The following NBPF9 variants were observed in gnomAD, a reference collection of about 807,000 sequenced individuals.
NBPF9 encodes NBPF family member NBPF9.
In NBPF9, 91 loss-of-function variants were observed where a neutral mutation model predicts 97.8. That is an observed-to-expected ratio of 0.93 (90% confidence interval 0.79 to 1.11). The LOEUF (loss-of-function observed/expected upper bound fraction) is 1.11. NBPF9 is among the 50% of genes least tolerant of loss of function. The pLI is 0.00. For synonymous variants in NBPF9, 334 were observed against 359.5 expected (o/e 0.93, Z 0.80); for missense variants, 992 against 939.5 (o/e 1.06, Z -0.73).
At chr1:149,089,974 CCAGA>C (rs1197771029) in intron 5 of NBPF9, among the ~76,000 whole-genome samples, 7 of 152,074 alleles carry the variant, frequency 4.6e-5, no homozygotes, top group Non-Finnish European at 1.5e-5. Context: ...GCTCATTTGT[CCAGA>C]CAGAGCCCAC....
At chr1:149,071,104 T>C in exon 16 of NBPF9, 1 of 1,606,068 alleles carries the variant, frequency 6.2e-7, no homozygotes. Context: ...CAGTGAGTCC[T>C]CAGGGACTTC....
intron 9 of NBPF9, 94 bp downstream of exon 9, chr1:149,078,913 C>A (rs868977071): frequency 2.0e-5 from 32 of 1,579,810 alleles, no homozygotes; most frequent in East Asian, 4.5e-5. Flanking sequence ...CAGAAAAAAA[C>A]CCCACTGATA....
chr1:149,070,570 G>T (rs1453414991), intron 16 of NBPF9, among the ~76,000 whole-genome samples: 1 of 150,738 alleles, frequency 6.6e-6, no homozygotes, highest in Admixed American at 6.6e-5. Flanking sequence ...CAAAGGCAAG[G>T]CTGCCAGCTT....
At chr1:149,074,656 A>G (rs1349893943) in intron 12 of NBPF9, among the ~76,000 whole-genome samples, 1 of 151,174 alleles carries the variant, frequency 6.6e-6, no homozygotes, top group Non-Finnish European at 1.5e-5. Context: ...AGACAGGCCC[A>G]CGGTCCCTGC....
chr1:149,054,497 A>G (rs1452060657), exon 30 of NBPF9: 7,228 of 110,714 alleles, frequency 0.065, no homozygotes, highest in African/African-American at 0.21. Flanking sequence ...GGTGATGGAC[A>G]AACTAGACCT....
intron 5 of NBPF9, among the ~76,000 whole-genome samples, chr1:149,089,595 G>A (rs1399446223): frequency 7.9e-5 from 12 of 152,416 alleles, no homozygotes; most frequent in Admixed American, 2.0e-4. Flanking sequence ...AAGGAGGAGG[G>A]GATGTTATGG....
intron 3 of NBPF9, among the ~76,000 whole-genome samples, chr1:149,099,325 AT>A (rs1166553478): frequency 6.6e-6 from 1 of 152,112 alleles, no homozygotes; most frequent in Non-Finnish European, 1.5e-5. Context: ...ACAAAGGTTT[AT>A]TTTTCATTGA....
At chr1:149,053,847 C>T (rs1305646673), downstream of NBPF9, among the ~76,000 whole-genome samples, 1 of 147,426 alleles carries the variant, frequency 6.8e-6, no homozygotes, top group Non-Finnish European at 1.5e-5. Context: ...CAATATTTAA[C>T]ATGAGCTATA....
chr1:149,069,088 A>C (rs370933489), intron 17 of NBPF9, among the ~76,000 whole-genome samples: 24 of 152,286 alleles, frequency 1.6e-4, no homozygotes, highest in Admixed American at 5.2e-4. Flanking sequence ...AACAAAGACA[A>C]AACATACCAG....
chr1:149,089,594 G>A (rs1315685383), intron 5 of NBPF9, among the ~76,000 whole-genome samples: 1 of 152,294 alleles, frequency 6.6e-6, no homozygotes, highest in Non-Finnish European at 1.5e-5. Flanking sequence ...GAAGGAGGAG[G>A]GGATGTTATG....
chr1:149,085,478 CT>C (rs1553658204), intron 5 of NBPF9, among the ~76,000 whole-genome samples: 1 of 152,076 alleles, frequency 6.6e-6, no homozygotes, highest in African/African-American at 2.4e-5. Context: ...TTGAAACTAG[CT>C]TTCAAATTTC....
intron 2 of NBPF9, among the ~76,000 whole-genome samples, chr1:149,101,703 T>C (rs1553663357): frequency 6.6e-6 from 1 of 151,746 alleles, no homozygotes; most frequent in African/African-American, 2.4e-5. Context: ...GGCAAAATAA[T>C]TTTTAACTGA....
intron 12 of NBPF9, among the ~76,000 whole-genome samples, 172 bp from the exon 13 acceptor site, chr1:149,074,042 G>T (rs1272579902): frequency 3.3e-5 from 5 of 150,786 alleles, no homozygotes; most frequent in African/African-American, 1.2e-4. Flanking sequence ...TCTGGCATCT[G>T]ATCCTCCAAA....
At chr1:149,061,024 G>A (rs1375141484) in intron 23 of NBPF9, 6 of 417,306 alleles carry the variant, frequency 1.4e-5, no homozygotes, top group Non-Finnish European at 2.6e-5. Context: ...AGGACACACA[G>A]CATACAGGGA....
intron 21 of NBPF9, 30 bp from the exon 22 acceptor site, chr1:149,062,295 G>T: frequency 1.6e-6 from 1 of 636,012 alleles, no homozygotes; most frequent in Non-Finnish European, 2.8e-6. Context: ...TAAAGAATAA[G>T]CCAGGGGGAA....
intron 12 of NBPF9, among the ~76,000 whole-genome samples, chr1:149,074,933 T>C (rs1175408409): frequency 6.6e-6 from 1 of 151,302 alleles, no homozygotes; most frequent in Non-Finnish European, 1.5e-5. Context: ...TGCCTCAGCC[T>C]CCTGAGCAGG....
chr1:149,085,212 C>CT (rs781973948), intron 5 of NBPF9, among the ~76,000 whole-genome samples: 7 of 151,594 alleles, frequency 4.6e-5, no homozygotes, highest in South Asian at 4.2e-4. Context: ...GGCTGGAAAA[C>CT]TTTTTTTTGA....
At chr1:149,063,784 A>C in exon 20 of NBPF9, 1 of 617,162 alleles carries the variant, frequency 1.6e-6, no homozygotes, top group East Asian at 2.8e-5. Flanking sequence ...GCCCTTTCTC[A>C]TCCAGCAGCT....
In NBPF9 at chr1:149,077,819, G is replaced by C; in HGVS notation, c.566+64C>G. ...TGGCCCACCATAGATGCCAGAGAGGGTGTGCCTCCTAGACATCTTCATATG... is the reference window on the plus strand; with the variant it reads ...TGGCCCACCATAGATGCCAGAGAGGCTGTGCCTCCTAGACATCTTCATATG... On this transcript the variant is annotated intron_variant, in intron 10 of 29. Transcript: ENST00000584027. The C allele has an allele frequency of 1.9e-6, 3 of 1,588,210 alleles. No homozygotes were observed. The South Asian group carries it at 3.3e-5, about 18-fold the overall frequency.
Sources: gnomAD v4.1 joint callset for allele counts (sites outside exome capture counted in the v4.1 genomes callset) on GRCh38, gnomAD v4.1.1 for gene constraint, MANE v1.5 for transcripts, NCBI Gene and HGNC (gene_info 2026-07-23, HGNC 2026-07-21) for gene names.